The following KIRREL3 variants were observed in gnomAD, a reference collection of about 807,000 sequenced individuals.
The protein encoded by KIRREL3 is kin of IRRE-like protein 3.
Under a neutral mutation model 89.7 loss-of-function variants are expected in KIRREL3, and 36 were observed. That is an observed-to-expected ratio of 0.40 (90% CI 0.31 to 0.53). The LOEUF is 0.53. KIRREL3 is among the 20% of genes least tolerant of loss of function. KIRREL3 has a pLI of 0.49. For missense variants in KIRREL3, 864 were observed against 1,056.6 expected (o/e 0.82, Z 2.53); for synonymous variants, 445 against 441.4 (o/e 1.01, Z -0.10).
intron 1 of KIRREL3, among the ~76,000 whole-genome samples, chr11:126,770,233 G>A (rs1035684307): frequency 9.9e-5 from 15 of 152,086 alleles, no homozygotes; most frequent in South Asian, 2.1e-4. Context: ...GAATCTACCC[G>A]TTCACATCCT....
At chr11:126,702,251 A>G (rs1947339923) in intron 1 of KIRREL3, among the ~76,000 whole-genome samples, 2 of 152,214 alleles carry the variant, frequency 1.3e-5, no homozygotes, top group African/African-American at 2.4e-5. Flanking sequence ...GTCACATAGA[A>G]TGTACCCTAT....
intron 1 of KIRREL3, among the ~76,000 whole-genome samples, chr11:126,964,595 C>A (rs1949206757): frequency 6.6e-6 from 1 of 152,262 alleles, no homozygotes; most frequent in Middle Eastern, 3.4e-3. Context: ...GGGGTACACC[C>A]AGCAACCTCA....
chr11:126,925,814 G>T (rs755874109), intron 1 of KIRREL3, among the ~76,000 whole-genome samples: 1 of 152,142 alleles, frequency 6.6e-6, no homozygotes, highest in Admixed American at 6.5e-5. Context: ...CCCAGGTACC[G>T]GCCTTCTCCA....
rs574017879 is a variant in KIRREL3, at chr11:126,647,818, G to C, written c.56-84906C>G. ...AGGGAGCCGTTCCTTTGTTCAGAAC[G>C]GTGCAGAGCATTCCATCTCACTGAG... On this transcript the variant is annotated intron_variant, in intron 1 of 16. Coordinates refer to ENST00000525144, the MANE Select transcript of KIRREL3 (RefSeq NM_032531.4). This position sits in a 1 kb window ranked among gnomAD's most constrained non-coding sequence, Gnocchi z 4.9. Among the ~76,000 whole-genome samples, 1 of 152,148 alleles carries C rather than the reference G, an allele frequency of 6.6e-6. No individual in the cohort carries two copies. Among genetic ancestry groups the C allele is most frequent in the Non-Finnish European group, 1.5e-5 (1 of 68,034 alleles).
At chr11:126,751,301 A>G (rs1290904526) in intron 1 of KIRREL3, among the ~76,000 whole-genome samples, 1 of 152,238 alleles carries the variant, frequency 6.6e-6, no homozygotes, top group Non-Finnish European at 1.5e-5. Context: ...AATTCTTCAC[A>G]GCCAGAAAGT....
chr11:126,447,409 G>A (rs1350040751), intron 8 of KIRREL3, among the ~76,000 whole-genome samples: 2 of 152,186 alleles, frequency 1.3e-5, no homozygotes, highest in Non-Finnish European at 2.9e-5. Context: ...CTCTGGGGTG[G>A]GATGGGGGCT....
rs1304614684 is a variant in KIRREL3 at position 126,946,393 on chromosome 11, C to T, written c.55+54062G>A. 6.6e-6 allele frequency among the ~76,000 whole-genome samples: 1 copy of T among 152,156 alleles called. No individual in the cohort carries two copies. Among genetic ancestry groups the T allele is most frequent in the Non-Finnish European group, 1.5e-5 (1 of 68,032 alleles). On this transcript the variant is annotated intron_variant, in intron 1 of 16. Transcript: ENST00000525144. The surrounding 1 kb of genome is among the most constrained non-coding windows in gnomAD (Gnocchi z 4.1). ...GGTCCTCATGCATTGGATCACCTTA[C>T]TCAAACCACCTTGGCCTCAGCTTCT...
rs1041991762 is a variant in KIRREL3, at chr11:126,985,634, C to T, written c.55+14821G>A. ...GAGGCACGAGGGAGCAGAGCACATT[C>T]GGACAATGTCAGCGGCTCCGTGTGT... On this transcript the variant is annotated intron_variant, in intron 1 of 16. Transcript: ENST00000525144. The surrounding 1 kb of genome is among the most constrained non-coding windows in gnomAD (Gnocchi z 5.3). 1.3e-5 allele frequency among the ~76,000 whole-genome samples: 2 copies of T among 152,046 alleles called. No homozygotes were observed. The highest frequency in any genetic ancestry group is 2.4e-5 in the African/African-American group (1 of 41,380).
chr11:126,469,596 G>C (rs1591592757), intron 5 of KIRREL3, among the ~76,000 whole-genome samples: 1 of 152,352 alleles, frequency 6.6e-6, no homozygotes, highest in East Asian at 1.9e-4. Flanking sequence ...CCGGCACACA[G>C]CCCCGTGCCT....
In KIRREL3 at chr11:126,459,810, T is replaced by G. The variant is rs2134244331; in HGVS notation, c.742+3347A>C. On this transcript the variant is annotated intron_variant, in intron 6 of 16. Coordinates refer to ENST00000525144, the MANE Select transcript of KIRREL3 (RefSeq NM_032531.4). The surrounding 1 kb of genome is among the most constrained non-coding windows in gnomAD (Gnocchi z 4.8). ...GAGAATCTTCATGACTCAGTGATTT[T>G]GTAGCACATTCATTTGAAACTTGGC... Among the ~76,000 whole-genome samples the G allele has an allele frequency of 6.6e-6, 1 of 152,296 alleles. No homozygotes were observed. The highest frequency in any genetic ancestry group is 1.9e-4 in the East Asian group (1 of 5,176).
chr11:126,926,784 C>A (rs896518383), intron 1 of KIRREL3, among the ~76,000 whole-genome samples: 1 of 151,646 alleles, frequency 6.6e-6, no homozygotes, highest in Non-Finnish European at 1.5e-5. Context: ...CTAAAGAGGG[C>A]GCGGAAAAAA....
Position 126,526,438 on chromosome 11 carries a change from A to C in KIRREL3, c.283+100T>G, listed in dbSNP as rs1591679721. 8.5e-7 allele frequency: 1 copy of C among 1,182,666 alleles called. No individual in the cohort carries two copies. The highest frequency in any genetic ancestry group is 2.6e-5 in the East Asian group (1 of 38,874). 73.3% of individuals were successfully genotyped at this position (1,182,666 alleles called of 1,614,324 possible). A position where few individuals can be genotyped will look rare whatever the true frequency, so the allele number is the denominator to read the frequency against. On this transcript the variant is annotated intron_variant, in intron 3 of 16. Coordinates refer to ENST00000525144, the MANE Select transcript of KIRREL3 (RefSeq NM_032531.4). The surrounding 1 kb of genome is among the most constrained non-coding windows in gnomAD (Gnocchi z 5.7). ...TTGCAGTGAAAGCTAGAGATTCGAT[A>C]CTCAGACACCTGTGAAGATGGGTGC... is the stretch of plus-strand genomic sequence containing the variant.
chr11:126,720,436 C>T (rs186490201), intron 1 of KIRREL3, among the ~76,000 whole-genome samples: 1 of 152,242 alleles, frequency 6.6e-6, no homozygotes, highest in Admixed American at 6.5e-5. Flanking sequence ...AATCTCAAAT[C>T]CCTCAAAGAA....
At chr11:126,460,270 C>G (rs1956499884) in intron 6 of KIRREL3, among the ~76,000 whole-genome samples, 1 of 152,140 alleles carries the variant, frequency 6.6e-6, no homozygotes, top group Admixed American at 6.5e-5. Context: ...GGGCACCACT[C>G]ACCTATGGCT....
Position 126,606,814 on chromosome 11 carries a change from A to G in KIRREL3, c.56-43902T>C, listed in dbSNP as rs1942909590. Among the ~76,000 whole-genome samples, 1 of 150,934 alleles carries G rather than the reference A, an allele frequency of 6.6e-6. No homozygotes were observed. Among genetic ancestry groups the G allele is most frequent in the South Asian group, 2.1e-4 (1 of 4,784 alleles). ...CCTCTACATGCTGGCCTTCTTCTGCACTCTTTTTTTCTTTCTTTAAAAGCT... is the reference window on the plus strand; with the variant it reads ...CCTCTACATGCTGGCCTTCTTCTGCGCTCTTTTTTTCTTTCTTTAAAAGCT... On this transcript the variant is annotated intron_variant, in intron 1 of 16. Transcript: ENST00000525144. The surrounding 1 kb of genome is among the most constrained non-coding windows in gnomAD (Gnocchi z 4.6).
chr11:126,446,935 G>T, intron 8 of KIRREL3, 49 bp from the exon 9 acceptor site: 1 of 1,583,360 alleles, frequency 6.3e-7, no homozygotes, highest in Non-Finnish European at 8.6e-7. Context: ...GGGGAGCTCT[G>T]GGATCCTCCT....
In KIRREL3 at chr11:126,715,849, G is replaced by C. The variant is rs919574022; in HGVS notation, c.56-152937C>G. 2.0e-5 allele frequency among the ~76,000 whole-genome samples: 3 copies of C among 152,188 alleles called. No homozygotes were observed. The South Asian group carries it at 6.2e-4, about 32-fold the overall frequency. On this transcript the variant is annotated intron_variant, in intron 1 of 16. Transcript: ENST00000525144. The surrounding 1 kb of genome is among the most constrained non-coding windows in gnomAD (Gnocchi z 4.4). ...GTTCCACCGTCAAGAGCGCAGAAAA[G>C]CCCTTGGTGCTCCTCTGAAGAATGC...
Position 126,646,473 on chromosome 11 carries a change from A to ATTTTT in KIRREL3, c.56-83566_56-83562dup, listed in dbSNP as rs71279461. Reference sequence around the variant, plus strand: ...GCAACTCTAAATTTGTGCCCCAAGTATTTTTTTTTTTTTTTTTTTGAGACA... The same window carrying ATTTTT: ...GCAACTCTAAATTTGTGCCCCAAGTATTTTTTTTTTTTTTTTTTTTTTTTGAGACA... On this transcript the variant is annotated intron_variant, in intron 1 of 16. Transcript: ENST00000525144. Among the ~76,000 whole-genome samples the ATTTTT allele has an allele frequency of 1.2e-3, 156 of 127,400 alleles. 2 individuals are homozygous for ATTTTT. Among genetic ancestry groups the ATTTTT allele is most frequent in the East Asian group, 5.5e-3 (24 of 4,352 alleles). 83.6% of individuals were successfully genotyped at this position (127,400 alleles called of 152,430 possible). A position where few individuals can be genotyped will look rare whatever the true frequency, so the allele number is the denominator to read the frequency against.
chr11:126,848,690 C>T (rs1944233930), intron 1 of KIRREL3, among the ~76,000 whole-genome samples: 1 of 152,154 alleles, frequency 6.6e-6, no homozygotes, highest in Admixed American at 6.6e-5. Context: ...CTGTTGGACT[C>T]TCTGTGTAGG....
Sources: gnomAD v4.1 joint callset for allele counts (sites outside exome capture counted in the v4.1 genomes callset) on GRCh38, gnomAD v4.1.1 for gene constraint, Gnocchi (gnomAD v3.1) non-coding constraint, MANE v1.5 for transcripts, NCBI Gene and HGNC (gene_info 2026-07-23, HGNC 2026-07-21) for gene names.